Variants in STPG2 observed in about 807,000 individuals in gnomAD.
STPG2 encodes the protein sperm-tail PG-rich repeat-containing protein 2.
STPG2 carries 56 observed loss-of-function variants against 54.2 expected under a neutral mutation model. That is an observed-to-expected ratio of 1.03 (90% CI 0.83 to 1.29). The LOEUF is 1.29. Among genes scored for constraint, STPG2 ranks in the 50% most tolerant of loss-of-function variants. STPG2 has a pLI of 0.00. For synonymous variants in STPG2, 200 were observed against 181.8 expected (o/e 1.10, Z -0.81); for missense variants, 596 against 544.9 (o/e 1.09, Z -0.93).
intron 9 of STPG2, among the ~76,000 whole-genome samples, chr4:97,781,582 T>C (rs1726614801): frequency 6.6e-6 from 1 of 152,208 alleles, no homozygotes; most frequent in East Asian, 1.9e-4. Context: ...ACTCATTTTA[T>C]GAGGCCATCA....
intron 9 of STPG2, among the ~76,000 whole-genome samples, chr4:97,787,444 T>C (rs1157405049): frequency 6.6e-6 from 1 of 152,100 alleles, no homozygotes; most frequent in Non-Finnish European, 1.5e-5. Flanking sequence ...TTATTTTCAA[T>C]TGTTAAACAA....
intron 7 of STPG2, among the ~76,000 whole-genome samples, chr4:97,948,471 T>G (rs747791649): frequency 7.9e-5 from 12 of 152,122 alleles, no homozygotes; most frequent in Non-Finnish European, 1.3e-4. Context: ...GGGCTTAGTT[T>G]GTTCTTGTTT....
At chr4:97,810,918 G>A (rs1476008889) in intron 9 of STPG2, among the ~76,000 whole-genome samples, 1 of 152,044 alleles carries the variant, frequency 6.6e-6, no homozygotes, top group Non-Finnish European at 1.5e-5. Context: ...ATTAGTAAAT[G>A]GTGGCATAAA....
intron 10 of STPG2, among the ~76,000 whole-genome samples, chr4:97,617,995 T>C (rs1266389491): frequency 6.6e-6 from 1 of 152,198 alleles, no homozygotes; most frequent in African/African-American, 2.4e-5. Flanking sequence ...TCAACCAAAG[T>C]AAGTAACCCT....
At chr4:97,952,415 G>A (rs181431666) in intron 7 of STPG2, among the ~76,000 whole-genome samples, 6 of 152,242 alleles carry the variant, frequency 3.9e-5, no homozygotes, top group Admixed American at 3.9e-4. Flanking sequence ...ACAGCAAAAA[G>A]ATCTGGGACT....
chr4:97,772,771 G>T (rs1321227431), intron 9 of STPG2, among the ~76,000 whole-genome samples: 1 of 151,916 alleles, frequency 6.6e-6, no homozygotes, highest in African/African-American at 2.4e-5. Flanking sequence ...TAATCAAAAA[G>T]AAAACATCCA....
chr4:97,917,255 G>A (rs1560588478), intron 8 of STPG2: 1 of 152,408 alleles, frequency 6.6e-6, no homozygotes, highest in Non-Finnish European at 1.5e-5. Context: ...CGTGAGGCCT[G>A]ACGGGGCGGG....
At chr4:97,778,479 C>T (rs1035603852) in intron 9 of STPG2, among the ~76,000 whole-genome samples, 5 of 152,188 alleles carry the variant, frequency 3.3e-5, no homozygotes, top group African/African-American at 1.2e-4. Context: ...GGAGGACTGC[C>T]TGCCTCTGTA....
At chr4:98,055,937 C>G (rs1009152145) in intron 5 of STPG2, among the ~76,000 whole-genome samples, 1 of 152,152 alleles carries the variant, frequency 6.6e-6, no homozygotes, top group Non-Finnish European at 1.5e-5. Context: ...CACTGGATAG[C>G]TCCAGAGAGG....
chr4:97,890,571 G>A (rs763927393), intron 8 of STPG2, among the ~76,000 whole-genome samples: 11 of 151,692 alleles, frequency 7.3e-5, no homozygotes, highest in South Asian at 2.1e-4. Context: ...AGTTGGTGAC[G>A]GGGTACAAAA....
chr4:97,869,356 A>C (rs1432643399), intron 8 of STPG2, among the ~76,000 whole-genome samples: 2 of 151,664 alleles, frequency 1.3e-5, no homozygotes, highest in East Asian at 3.9e-4. Flanking sequence ...CCTAGGTCAG[A>C]GCCTAGGTAA....
intron 8 of STPG2, among the ~76,000 whole-genome samples, chr4:97,930,209 T>C (rs1430210966): frequency 1.3e-5 from 2 of 152,164 alleles, no homozygotes; most frequent in Admixed American, 6.5e-5. Context: ...ATTTTTACTT[T>C]TGTTGCAATT....
intron 9 of STPG2, among the ~76,000 whole-genome samples, chr4:97,739,166 G>T (rs555300399): frequency 2.0e-5 from 3 of 152,012 alleles, no homozygotes; most frequent in Non-Finnish European, 2.9e-5. Flanking sequence ...TGAAACCAAC[G>T]AGAACAAAGA....
intron 8 of STPG2, among the ~76,000 whole-genome samples, chr4:97,886,572 C>T (rs774642155): frequency 1.2e-4 from 18 of 152,134 alleles, no homozygotes; most frequent in South Asian, 2.1e-4. Context: ...AACCTGTAAA[C>T]GTATGTTTCT....
chr4:97,687,066 G>C (rs987508669), intron 10 of STPG2, among the ~76,000 whole-genome samples: 8 of 151,218 alleles, frequency 5.3e-5, no homozygotes, highest in African/African-American at 1.9e-4. Flanking sequence ...TCAGCCTCCC[G>C]AGTAGCTGGG....
chr4:97,801,600 G>T (rs1727401772), intron 9 of STPG2, among the ~76,000 whole-genome samples: 1 of 152,144 alleles, frequency 6.6e-6, no homozygotes, highest in Non-Finnish European at 1.5e-5. Context: ...GTGCTGTTCA[G>T]AAATAAAATT....
intron 4 of STPG2, among the ~76,000 whole-genome samples, chr4:97,534,797 C>G (rs1263228684): frequency 6.6e-6 from 1 of 152,080 alleles, no homozygotes; most frequent in Non-Finnish European, 1.5e-5. Flanking sequence ...CACATGCAGC[C>G]CTGACAACCA....
chr4:97,895,380 A>G (rs765927523), intron 8 of STPG2, among the ~76,000 whole-genome samples: 62 of 151,920 alleles, frequency 4.1e-4, no homozygotes, highest in Non-Finnish European at 2.8e-4. Flanking sequence ...ATTGCAAAGT[A>G]TCTCCTATGC....
At chr4:97,863,914 C>A (rs915111200) in intron 8 of STPG2, among the ~76,000 whole-genome samples, 1 of 152,140 alleles carries the variant, frequency 6.6e-6, no homozygotes, top group Non-Finnish European at 1.5e-5. Context: ...ATGCTAAAAA[C>A]TCTCAATAAA....
Sources: allele counts gnomAD v4.1 joint callset (sites outside exome capture counted in the v4.1 genomes callset), GRCh38; gene constraint gnomAD v4.1.1; transcripts MANE v1.5; gene names NCBI Gene and HGNC (gene_info 2026-07-23, HGNC 2026-07-21).